MYO5A: variants seen among roughly 807,000 people sequenced by gnomAD.
The protein encoded by MYO5A is myosin VA.
A neutral mutation model predicts 249.7 loss-of-function variants in MYO5A; 98 were observed. That is an observed-to-expected ratio of 0.39 (90% CI 0.33 to 0.46). The LOEUF (loss-of-function observed/expected upper bound fraction) is 0.46, where lower values mean the gene tolerates loss of function less well. Among genes scored for constraint, MYO5A ranks in the 20% least tolerant of loss-of-function variants. The probability of loss-of-function intolerance (pLI) is 0.98; values close to 1 mark genes in which losing one functional copy is unlikely to be tolerated. For synonymous variants in MYO5A, 778 were observed against 810.6 expected, an observed-to-expected ratio of 0.96 and a Z score of 0.68; for missense variants, 1,696 against 2,308.8, an observed-to-expected ratio of 0.73 and a Z score of 5.44.
intron 1 of MYO5A, among the ~76,000 whole-genome samples, chr15:52,488,923 TAAC>T: frequency 6.6e-6 from 1 of 152,320 alleles, no homozygotes; most frequent in African/African-American, 2.4e-5. Context: ...GATAAATCAG[TAAC>T]AACTGCCCAT....
chr15:52,349,229 A>G (rs1364131964), intron 28 of MYO5A, among the ~76,000 whole-genome samples: 1 of 152,092 alleles, frequency 6.6e-6, no homozygotes, highest in East Asian at 1.9e-4. Context: ...TTCCCAGAAT[A>G]CTCTAGAGGT....
rs1425122771 is a variant in MYO5A at position 52,384,243 on chromosome 15, G to A, written c.1832C>T (p.Pro611Leu). 3 of 1,614,048 alleles carry A rather than the reference G, an allele frequency of 1.9e-6. No homozygotes were observed. The African/African-American group carries it at 4.0e-5, about 22-fold the overall frequency. Residue 611 changes from proline (P) to leucine (L), a missense_variant, in exon 15 of 42, where the codon CCC becomes CTC. Coordinates refer to ENST00000399233, the MANE Select transcript of MYO5A (RefSeq NM_001382347.1). ...GGGCTTTGCAGGAGTTCGTGTGAGG[G>A]GTGTGCGCCCTGAGGAGGTGGCTGA... Reference protein sequence around the residue: ...PTSATSSGRTPLTRTPAKPTK... With the variant: ...PTSATSSGRTLLTRTPAKPTK...
At chr15:52,439,459 C>T (rs1347971260) in intron 1 of MYO5A, among the ~76,000 whole-genome samples, 1 of 152,214 alleles carries the variant, frequency 6.6e-6, no homozygotes, top group Non-Finnish European at 1.5e-5. Flanking sequence ...ACCTACCTTC[C>T]ATACCAGACT....
At chr15:52,365,141 G>GTGGACCC (rs1238459215) in intron 23 of MYO5A, among the ~76,000 whole-genome samples, 2 of 152,310 alleles carry the variant, frequency 1.3e-5, no homozygotes, top group East Asian at 3.9e-4. Flanking sequence ...CAACTTTTCA[G>GTGGACCC]TGGACCCGGT....
At chr15:52,511,522 T>A (rs980106923) in intron 1 of MYO5A, among the ~76,000 whole-genome samples, 1 of 152,232 alleles carries the variant, frequency 6.6e-6, no homozygotes, top group African/African-American at 2.4e-5. Flanking sequence ...TTCCATTAAA[T>A]ATGCATGCAA....
chr15:52,456,775 G>C (rs1310768580), intron 1 of MYO5A, among the ~76,000 whole-genome samples: 2 of 152,136 alleles, frequency 1.3e-5, no homozygotes, highest in Non-Finnish European at 2.9e-5. Flanking sequence ...ATATGCAGAA[G>C]AATGAAACTA....
At chr15:52,431,345 T>C (rs902122457) in intron 2 of MYO5A, among the ~76,000 whole-genome samples, 7 of 149,498 alleles carry the variant, frequency 4.7e-5, no homozygotes, top group Non-Finnish European at 7.4e-5. Flanking sequence ...CTGGGCAACA[T>C]AGCAAGACAA....
chr15:52,477,291 G>C (rs376995380), intron 1 of MYO5A, among the ~76,000 whole-genome samples: 1 of 152,226 alleles, frequency 6.6e-6, no homozygotes, highest in East Asian at 1.9e-4. Flanking sequence ...TTAGCCATTC[G>C]TCCAATCTTT....
intron 1 of MYO5A, among the ~76,000 whole-genome samples, chr15:52,442,064 G>A (rs2075795536): frequency 6.6e-6 from 1 of 152,124 alleles, no homozygotes; most frequent in African/African-American, 2.4e-5. Flanking sequence ...AAAGAGCTAG[G>A]CATGTGGGGA....
chr15:52,446,541 T>C (rs746782080), intron 1 of MYO5A, among the ~76,000 whole-genome samples: 2 of 152,180 alleles, frequency 1.3e-5, no homozygotes, highest in African/African-American at 2.4e-5. Context: ...GGAGGCCCTA[T>C]ACAGAGTTGC....
chr15:52,353,935 T>C lies in MYO5A; in HGVS notation c.3503A>G (p.Glu1168Gly), dbSNP rs778410771. The C allele has an allele frequency of 6.2e-6, 10 of 1,614,130 alleles. No individual in the cohort carries two copies. The highest frequency in any genetic ancestry group is 1.3e-5 in the African/African-American group (1 of 74,944). ...CAGCTCATCCTGCATCACCTGCTTC[T>C]CCTGCTCCAGCTCTGTGACCCGCTT... ...LQKRVTELEQEKQVMQDELDR... is the reference protein window; with the variant it reads ...LQKRVTELEQGKQVMQDELDR... The change falls in exon 26 of 42, where the codon GAG (glutamate) becomes GGG (glycine). Residue 1168 changes from glutamate to glycine, a missense_variant. Physicochemically the swap from Glu to Gly is moderately conservative, Grantham distance 98. Around this residue, in one of 5 missense-constraint regions of MYO5A, gnomAD observed 625 missense variants for 908.1 expected, o/e 0.69. Transcript: ENST00000399233.
At chr15:52,520,087 G>A (rs2077585957) in intron 1 of MYO5A, among the ~76,000 whole-genome samples, 1 of 152,054 alleles carries the variant, frequency 6.6e-6, no homozygotes, top group South Asian at 2.1e-4. Context: ...TAATGTCCCC[G>A]GTCAAGCAAA....
At chr15:52,378,991 A>G (rs971277027) in intron 18 of MYO5A, among the ~76,000 whole-genome samples, 1 of 152,100 alleles carries the variant, frequency 6.6e-6, no homozygotes, top group African/African-American at 2.4e-5. Flanking sequence ...TTTCCTAACC[A>G]TTTCTCTACT....
intron 2 of MYO5A, among the ~76,000 whole-genome samples, chr15:52,430,196 T>G (rs1212245831): frequency 6.6e-6 from 1 of 152,308 alleles, no homozygotes; most frequent in South Asian, 2.1e-4. Flanking sequence ...AATATCACCC[T>G]TGCCTGGGGC....
chr15:52,382,295 A>C (rs1335358985), intron 16 of MYO5A, among the ~76,000 whole-genome samples: 6 of 152,208 alleles, frequency 3.9e-5, no homozygotes, highest in Non-Finnish European at 7.3e-5. Flanking sequence ...TTAGAAAAAT[A>C]GGCTGGGCAT....
At chr15:52,480,532 T>A (rs1019984093) in intron 1 of MYO5A, among the ~76,000 whole-genome samples, 1 of 152,178 alleles carries the variant, frequency 6.6e-6, no homozygotes, top group African/African-American at 2.4e-5. Context: ...TGATCCCCGA[T>A]CCTTGAGGCC....
intron 11 of MYO5A, among the ~76,000 whole-genome samples, chr15:52,392,356 A>G (rs1232282243): frequency 6.6e-6 from 1 of 152,250 alleles, no homozygotes; most frequent in Non-Finnish European, 1.5e-5. Flanking sequence ...AAACTGCACT[A>G]TGTACTTTTG....
chr15:52,396,211 A>T (rs941811790), intron 11 of MYO5A, 105 bp downstream of exon 11: 1 of 756,562 alleles, frequency 1.3e-6, no homozygotes, highest in Non-Finnish European at 2.3e-6. Flanking sequence ...TCCATATAAT[A>T]ATTTTAATTC....
At chr15:52,410,856 G>A (rs1391757724) in intron 5 of MYO5A, among the ~76,000 whole-genome samples, 3 of 152,178 alleles carry the variant, frequency 2.0e-5, no homozygotes, top group African/African-American at 7.2e-5. Flanking sequence ...GATTACAGGC[G>A]TGAGCCACCA....
Sources: allele counts gnomAD v4.1 joint callset (sites outside exome capture counted in the v4.1 genomes callset), GRCh38; gene constraint gnomAD v4.1.1; regional missense constraint gnomAD v4.1.1; transcripts MANE v1.5; gene names NCBI Gene and HGNC (gene_info 2026-07-23, HGNC 2026-07-21).